SMNDC1: variants seen among roughly 807,000 people sequenced by gnomAD.
SMNDC1 encodes survival motor neuron domain containing 1.
In SMNDC1, 5 loss-of-function variants were observed where a neutral mutation model predicts 29.2. The observed-to-expected ratio is 0.17, with a 90% CI of 0.09 to 0.36. The LOEUF (loss-of-function observed/expected upper bound fraction) is 0.36, where lower values mean the gene tolerates loss of function less well. Among genes scored for constraint, SMNDC1 ranks in the 10% least tolerant of loss-of-function variants. The pLI is 1.00. For missense variants in SMNDC1, 142 were observed against 268.5 expected (o/e 0.53, Z 3.29); for synonymous variants, 80 against 89.9 (o/e 0.89, Z 0.62).
At chr10:110,303,822 G>A (rs1857695105) in intron 1 of SMNDC1, 3 of 429,872 alleles carry the variant, frequency 7.0e-6, no homozygotes, top group Non-Finnish European at 1.2e-5. Context: ...CTTTAAAAAA[G>A]CATACAGATA....
chr10:110,300,443 C>T, intron 2 of SMNDC1: 1 of 524,796 alleles, frequency 1.9e-6, no homozygotes, highest in Non-Finnish European at 2.4e-6. Flanking sequence ...ACCCTCCCAA[C>T]AAACTATGAA....
At chr10:110,297,463 A>G (rs944563990) in intron 4 of SMNDC1, 104 bp downstream of exon 4, 26 of 1,049,368 alleles carry the variant, frequency 2.5e-5, no homozygotes, top group South Asian at 2.4e-4. Flanking sequence ...AACAACGGTA[A>G]AACAGTATTA....
intron 2 of SMNDC1, among the ~76,000 whole-genome samples, 195 bp downstream of exon 2, chr10:110,303,273 A>G (rs542639746): frequency 2.3e-4 from 35 of 152,364 alleles, no homozygotes; most frequent in African/African-American, 7.7e-4. Flanking sequence ...TATAACAAAG[A>G]ACAATATTTC....
chr10:110,301,502 T>C (rs1435084641), intron 2 of SMNDC1, among the ~76,000 whole-genome samples: 1 of 152,246 alleles, frequency 6.6e-6, no homozygotes, highest in Non-Finnish European at 1.5e-5. Flanking sequence ...AAAAACATTC[T>C]GTTATTACTA....
chr10:110,294,318 AT>A, intron 5 of SMNDC1, 31 bp from the exon 6 acceptor site: 1 of 1,541,008 alleles, frequency 6.5e-7, no homozygotes, highest in Non-Finnish European at 8.7e-7. Context: ...ATCATTCCTG[AT>A]TAGTGTTGGA....
chr10:110,300,817 T>C (rs1301287928), intron 2 of SMNDC1: 2 of 584,424 alleles, frequency 3.4e-6, no homozygotes, highest in Non-Finnish European at 4.3e-6. Context: ...ATAAATTGAC[T>C]ATCTCTGATT....
chr10:110,297,127 CTAA>C (rs1277011730), intron 4 of SMNDC1, among the ~76,000 whole-genome samples: 2 of 152,180 alleles, frequency 1.3e-5, no homozygotes, highest in East Asian at 1.9e-4. Flanking sequence ...GAAATCTGCC[CTAA>C]TAATAAAAGT....
chr10:110,291,309 T>C lies in SMNDC1; in HGVS notation c.*2841A>G, dbSNP rs557370248. Reference sequence around the variant, plus strand: ...TTAGGGGTGACTTTTATTATAACCTTCACCCCCTTCCCATTAAGAAACATG... The same window carrying C: ...TTAGGGGTGACTTTTATTATAACCTCCACCCCCTTCCCATTAAGAAACATG... On this transcript the variant is annotated 3_prime_UTR_variant, in exon 6 of 6. Coordinates refer to ENST00000369603, the MANE Select transcript of SMNDC1 (RefSeq NM_005871.4). 1 of 152,308 alleles carries C rather than the reference T, an allele frequency of 6.6e-6. No individual in the cohort carries two copies. Among genetic ancestry groups the C allele is most frequent in the East Asian group, 1.9e-4 (1 of 5,192 alleles). 9.4% of individuals were successfully genotyped at this position (152,308 alleles called of 1,614,324 possible).
rs981118261 is a variant in SMNDC1 at position 110,291,821 on chromosome 10, A to G, written c.*2329T>C. On this transcript the variant is annotated 3_prime_UTR_variant, in exon 6 of 6. Coordinates refer to ENST00000369603, the MANE Select transcript of SMNDC1 (RefSeq NM_005871.4). ...CCTGTGATTACCACTAAAACTCAAC[A>G]TTTTATTTTCGGGAGGTTAGGACTG... 1 of 152,146 alleles carries G rather than the reference A, an allele frequency of 6.6e-6. No homozygotes were observed. Among genetic ancestry groups the G allele is most frequent in the East Asian group, 1.9e-4 (1 of 5,204 alleles). The allele number at this position is 152,146 out of a possible 1,614,324, so 9.4% of individuals were successfully genotyped here. A position where few individuals can be genotyped will look rare whatever the true frequency, so the allele number is the denominator to read the frequency against.
At chr10:110,300,861 TAG>T in intron 2 of SMNDC1, 4 of 255,642 alleles carry the variant, frequency 1.6e-5, no homozygotes, top group Non-Finnish European at 2.5e-5. Context: ...GTCAGCTAGC[TAG>T]CCTGGATTTT....
At chr10:110,299,418 A>C (rs1857613773) in intron 2 of SMNDC1, among the ~76,000 whole-genome samples, 1 of 152,214 alleles carries the variant, frequency 6.6e-6, no homozygotes, top group Non-Finnish European at 1.5e-5. Context: ...GCACATTAGC[A>C]CAGCTTCATT....
chr10:110,300,087 A>G (rs1253783982), intron 2 of SMNDC1, among the ~76,000 whole-genome samples: 2 of 152,294 alleles, frequency 1.3e-5, no homozygotes, highest in East Asian at 1.9e-4. Flanking sequence ...ATCTGGTCTT[A>G]TTTTTAACCA....
At chr10:110,299,752 C>T (rs1318691972) in intron 2 of SMNDC1, among the ~76,000 whole-genome samples, 5 of 152,138 alleles carry the variant, frequency 3.3e-5, no homozygotes, top group African/African-American at 1.2e-4. Flanking sequence ...TTCTAGTTCC[C>T]ACTGAGGTTT....
chr10:110,301,449 G>A (rs1345114078), intron 2 of SMNDC1, among the ~76,000 whole-genome samples: 2 of 152,198 alleles, frequency 1.3e-5, no homozygotes, highest in African/African-American at 4.8e-5. Context: ...AATTTCTAAT[G>A]ATAGAATAAA....
chr10:110,303,750 G>A (rs531599692), intron 1 of SMNDC1, 163 bp from the exon 2 acceptor site: 60 of 576,152 alleles, frequency 1.0e-4, no homozygotes, highest in African/African-American at 8.9e-4. Context: ...TTAGACTTCA[G>A]CTAAACCACA....
intron 2 of SMNDC1, among the ~76,000 whole-genome samples, chr10:110,303,252 C>T (rs2134505511): frequency 6.6e-6 from 1 of 152,256 alleles, no homozygotes; most frequent in South Asian, 2.1e-4. Context: ...TATGTAAGCA[C>T]ACAAGATTTA....
Position 110,293,573 on chromosome 10 carries a change from AAC to A in SMNDC1, c.*575_*576del, listed in dbSNP as rs950194928. Reference sequence around the variant, plus strand: ...TAAAACTAAGAGTACATAAAAATAAAACAGCTAGATCAATTTTAGAGATGGCC... The same window carrying A: ...TAAAACTAAGAGTACATAAAAATAAAAGCTAGATCAATTTTAGAGATGGCC... On this transcript the variant is annotated 3_prime_UTR_variant, in exon 6 of 6. Transcript: ENST00000369603. The A allele has an allele frequency of 6.6e-6, 1 of 152,222 alleles. No homozygotes were observed. The highest frequency in any genetic ancestry group is 1.5e-5 in the Non-Finnish European group (1 of 68,034). 9.4% of individuals were successfully genotyped at this position (152,222 alleles called of 1,614,324 possible).
At position 110,298,745 on chromosome 10, in the gene SMNDC1, CAGA is replaced by C. The variant is rs761080253; in HGVS notation, c.163_165del (p.Ser55del). 25 of 1,613,750 alleles carry C rather than the reference CAGA, an allele frequency of 1.5e-5. No individual in the cohort carries two copies. The highest frequency in any genetic ancestry group is 2.0e-5 in the Non-Finnish European group (24 of 1,179,812). ...AAACTGTCTGAACTTGCAAGCGTCT[CAGA>C]AGGTTGAGTTGACAGAAGGTCTTTG... On this transcript the variant is annotated inframe_deletion, in exon 3 of 6. Transcript: ENST00000369603.
chr10:110,303,187 C>T lies in SMNDC1; in HGVS notation c.120+281G>A, dbSNP rs184263457. Among the ~76,000 whole-genome samples, 11 of 152,324 alleles carry T rather than the reference C, an allele frequency of 7.2e-5. 1 individual carries two copies. The highest frequency in any genetic ancestry group is 4.6e-4 in the Admixed American group (7 of 15,308). ...TCATTGTGAAGTTACATGTACCTCT[C>T]GTCTTGAAAATCTGACAGACTTGGA... On this transcript the variant is annotated intron_variant, in intron 2 of 5. Coordinates refer to ENST00000369603, the MANE Select transcript of SMNDC1 (RefSeq NM_005871.4).
Sources: allele counts gnomAD v4.1 joint callset (sites outside exome capture counted in the v4.1 genomes callset), GRCh38; gene constraint gnomAD v4.1.1; transcripts MANE v1.5; gene names NCBI Gene and HGNC (gene_info 2026-07-23, HGNC 2026-07-21).